Variants in VPS13B observed in about 807,000 individuals in gnomAD.
VPS13B encodes the protein intermembrane lipid transfer protein VPS13B.
Under a neutral mutation model 426.4 loss-of-function variants are expected in VPS13B, and 285 were observed. The ratio of observed to expected loss-of-function variants is 0.67; its 90% CI spans 0.61 to 0.74. The LOEUF (loss-of-function observed/expected upper bound fraction) is 0.74, where lower values mean the gene tolerates loss of function less well. VPS13B is among the 30% of genes least tolerant of loss of function. The pLI is 0.00. For missense variants in VPS13B, 4,537 were observed against 4,782.6 expected, an observed-to-expected ratio of 0.95 and a Z score of 1.51; for synonymous variants, 1,676 against 1,676.4, an observed-to-expected ratio of 1.00 and a Z score of 0.01.
chr8:99,478,831 T>TA (rs57445772), intron 24 of VPS13B, among the ~76,000 whole-genome samples: 2,413 of 136,444 alleles, frequency 0.018, 49 homozygotes, highest in African/African-American at 0.05. Context: ...TGTTTTTGTG[T>TA]AAAAAAAAAA....
chr8:99,172,212 A>G (rs1320536589), intron 16 of VPS13B, among the ~76,000 whole-genome samples: 1 of 152,166 alleles, frequency 6.6e-6, no homozygotes. Context: ...ACTTTGTCCT[A>G]TAATTGAGGG....
At chr8:99,075,537 A>G (rs1190088328) in intron 3 of VPS13B, among the ~76,000 whole-genome samples, 1 of 152,208 alleles carries the variant, frequency 6.6e-6, no homozygotes, top group Non-Finnish European at 1.5e-5. Context: ...ACTGGGGGTT[A>G]CATTGAGGGG....
intron 33 of VPS13B, among the ~76,000 whole-genome samples, chr8:99,610,403 C>T (rs890385578): frequency 1.4e-4 from 22 of 152,110 alleles, no homozygotes; most frequent in Non-Finnish European, 2.1e-4. Context: ...TGGAATACTA[C>T]GCAGTCATAA....
chr8:99,339,310 G>A (rs373698946), intron 19 of VPS13B, among the ~76,000 whole-genome samples: 1 of 152,046 alleles, frequency 6.6e-6, no homozygotes, highest in Admixed American at 6.6e-5. Flanking sequence ...GTACAGGAAC[G>A]TGATGCTGGC....
chr8:99,373,115 G>A (rs1813283387), intron 19 of VPS13B, among the ~76,000 whole-genome samples: 1 of 152,116 alleles, frequency 6.6e-6, no homozygotes, highest in African/African-American at 2.4e-5. Flanking sequence ...GTTGAAAAAT[G>A]AGAACACATG....
intron 21 of VPS13B, among the ~76,000 whole-genome samples, chr8:99,430,035 C>A (rs769781500): frequency 6.6e-6 from 1 of 152,210 alleles, no homozygotes; most frequent in African/African-American, 2.4e-5. Flanking sequence ...TTCAGACATT[C>A]GTTGTTTTTG....
At chr8:99,261,691 G>GA (rs1818046357) in intron 17 of VPS13B, among the ~76,000 whole-genome samples, 2 of 152,084 alleles carry the variant, frequency 1.3e-5, no homozygotes, top group Admixed American at 1.3e-4. Flanking sequence ...AACAGTGAAT[G>GA]AGGTTCTGTT....
chr8:99,271,153 A>G (rs938570850), intron 17 of VPS13B, among the ~76,000 whole-genome samples: 4 of 151,882 alleles, frequency 2.6e-5, no homozygotes, highest in African/African-American at 9.7e-5. Context: ...TATTATTGAT[A>G]CTACTGCTGC....
At position 99,486,063 on chromosome 8, in the gene VPS13B, C is replaced by G. The variant is rs1820286902; in HGVS notation, c.3870+4261C>G. On this transcript the variant is annotated intron_variant, in intron 25 of 61. Transcript: ENST00000357162. ...TTTCTGTGTGATTCCTATGAGCCCT[C>G]TGTTGCAGAATTGTCCCTACAGAGC... Among the ~76,000 whole-genome samples the G allele has an allele frequency of 1.3e-5, 2 of 152,264 alleles. 1 individual carries two copies. Among genetic ancestry groups the G allele is most frequent in the Middle Eastern group, 6.8e-3 (2 of 294 alleles).
chr8:99,817,663 A>G lies in VPS13B; in HGVS notation c.8221A>G (p.Thr2741Ala). 1.2e-6 allele frequency: 2 copies of G among 1,614,096 alleles called. No individual in the cohort carries two copies. The highest frequency in any genetic ancestry group is 1.7e-6 in the Non-Finnish European group (2 of 1,179,992). The change falls in exon 45 of 62, where the codon ACA becomes GCA. Residue 2741 changes from threonine to alanine, a missense_variant. By Grantham distance (58) the Thr-to-Ala change is moderately conservative. This residue lies in a region of VPS13B where 4,311 missense variants were observed against 4,474.3 expected (regional missense o/e 0.96). Transcript: ENST00000357162. ...AGTTCGGGAACATTTTGACTGCCTC[A>G]CAGCCAAACAGAAATTGCCTTCGTA... ...AVVREHFDCL[T>A]AKQKLPSYIL...
intron 43 of VPS13B, among the ~76,000 whole-genome samples, chr8:99,807,681 G>T (rs1351241870): frequency 1.3e-5 from 2 of 150,584 alleles, no homozygotes; most frequent in Non-Finnish European, 3.0e-5. Flanking sequence ...GTGTGTTTGT[G>T]TGTGTGTGTG....
At chr8:99,759,193 C>T (rs1339403272) in intron 39 of VPS13B, among the ~76,000 whole-genome samples, 2 of 152,118 alleles carry the variant, frequency 1.3e-5, no homozygotes, top group Non-Finnish European at 2.9e-5. Context: ...GGAATCTTTT[C>T]CACTCCATTT....
intron 44 of VPS13B, among the ~76,000 whole-genome samples, chr8:99,815,602 A>T (rs1174822725): frequency 6.6e-6 from 1 of 152,162 alleles, no homozygotes; most frequent in African/African-American, 2.4e-5. Flanking sequence ...TGACCCAATC[A>T]AGTTGACATA....
chr8:99,227,850 C>A (rs1816095970), intron 17 of VPS13B, among the ~76,000 whole-genome samples: 1 of 152,180 alleles, frequency 6.6e-6, no homozygotes, highest in Non-Finnish European at 1.5e-5. Flanking sequence ...TATATTACCT[C>A]AACCATTAAT....
chr8:99,783,150 G>A (rs773568202), intron 42 of VPS13B, among the ~76,000 whole-genome samples: 1 of 152,138 alleles, frequency 6.6e-6, no homozygotes, highest in Non-Finnish European at 1.5e-5. Flanking sequence ...GCCCAGGCTG[G>A]ATTCCAAGTA....
intron 8 of VPS13B, among the ~76,000 whole-genome samples, chr8:99,130,536 C>T (rs1384508124): frequency 3.3e-5 from 5 of 151,734 alleles, no homozygotes; most frequent in East Asian, 1.9e-4. Flanking sequence ...TACAGGTGCC[C>T]GCCACCATGC....
At chr8:99,205,797 CACTG>C (rs775157201) in intron 17 of VPS13B, among the ~76,000 whole-genome samples, 7 of 152,286 alleles carry the variant, frequency 4.6e-5, no homozygotes, top group Admixed American at 2.6e-4. Flanking sequence ...CGCAGCTATT[CACTG>C]ACTAAGTCAT....
At chr8:99,430,812 G>A (rs572621958) in intron 21 of VPS13B, among the ~76,000 whole-genome samples, 3 of 150,678 alleles carry the variant, frequency 2.0e-5, no homozygotes, top group Admixed American at 6.6e-5. Context: ...TCTGCCTCCC[G>A]GGTTCAAGTG....
At chr8:99,497,107 A>G (rs1010586469) in intron 25 of VPS13B, among the ~76,000 whole-genome samples, 2 of 130,992 alleles carry the variant, frequency 1.5e-5, no homozygotes, top group African/African-American at 6.2e-5. Flanking sequence ...TTTATGTAAT[A>G]TAAAAATATA....
Sources: gnomAD v4.1 joint callset for allele counts (sites outside exome capture counted in the v4.1 genomes callset) on GRCh38, gnomAD v4.1.1 for gene constraint, gnomAD v4.1.1 regional missense constraint, MANE v1.5 for transcripts, NCBI Gene and HGNC (gene_info 2026-07-23, HGNC 2026-07-21) for gene names.